Variants in LIMS1 observed in about 807,000 individuals in gnomAD.
The protein encoded by LIMS1 is LIM zinc finger domain containing 1, also known as LIM and senescent cell antigen-like-containing domain protein 1.
Under a neutral mutation model 44.1 loss-of-function variants are expected in LIMS1, and 18 were observed. That is an observed-to-expected ratio of 0.41 (90% CI 0.28 to 0.61). The LOEUF is 0.61. LIMS1 is among the 20% of genes least tolerant of loss of function. The probability of loss-of-function intolerance (pLI) is 0.32; values close to 1 mark genes in which losing one functional copy is unlikely to be tolerated. For synonymous variants in LIMS1, 93 were observed against 149.1 expected, an observed-to-expected ratio of 0.62 and a Z score of 2.74; for missense variants, 201 against 422.0, an observed-to-expected ratio of 0.48 and a Z score of 4.59.
intron 1 of LIMS1, among the ~76,000 whole-genome samples, chr2:108,560,107 G>A (rs1276020324): frequency 6.6e-6 from 1 of 152,156 alleles, no homozygotes; most frequent in Non-Finnish European, 1.5e-5. Context: ...CAGATGATGG[G>A]CCACAGGGTG....
At chr2:108,549,275 G>GTTT (rs1558782542) in intron 1 of LIMS1, among the ~76,000 whole-genome samples, 19 of 86,462 alleles carry the variant, frequency 2.2e-4, no homozygotes, top group Admixed American at 3.0e-4. Flanking sequence ...CAAGTAAAGT[G>GTTT]TTTCTTTTTT....
At chr2:108,534,265 C>T (rs1324543957), upstream of LIMS1, 118 of 167,662 alleles carry the variant, frequency 7.0e-4, 1 homozygote, top group African/African-American at 2.7e-3. Context: ...TGATGCGCGC[C>T]CCGCCCCGCA....
chr2:108,581,810 G>A (rs1685896384), intron 1 of LIMS1, among the ~76,000 whole-genome samples: 1 of 152,020 alleles, frequency 6.6e-6, no homozygotes, highest in South Asian at 2.1e-4. Context: ...GGTGGCGCAT[G>A]CCTGTAATCC....
chr2:108,569,723 G>T (rs1274421593), intron 1 of LIMS1, among the ~76,000 whole-genome samples: 1 of 143,782 alleles, frequency 7.0e-6, no homozygotes, highest in Non-Finnish European at 1.5e-5. Context: ...AGCCTGCCAA[G>T]TAGCTATTAT....
chr2:108,558,336 A>G (rs1013463070), intron 1 of LIMS1, among the ~76,000 whole-genome samples: 1 of 151,472 alleles, frequency 6.6e-6, no homozygotes, highest in Non-Finnish European at 1.5e-5. Flanking sequence ...TCCTGCCTCA[A>G]ACTCCCAAGT....
At chr2:108,574,854 A>C (rs544677295) in intron 1 of LIMS1, among the ~76,000 whole-genome samples, 17 of 152,206 alleles carry the variant, frequency 1.1e-4, no homozygotes, top group Non-Finnish European at 1.9e-4. Context: ...GAGATTGGTC[A>C]TGGTTTTATT....
chr2:108,645,834 A>C (rs1174521952), intron 1 of LIMS1, among the ~76,000 whole-genome samples: 1 of 151,476 alleles, frequency 6.6e-6, no homozygotes, highest in African/African-American at 2.4e-5. Context: ...AAAAAAAAAA[A>C]CCCAGGAGTT....
chr2:108,544,514 G>C lies in LIMS1; in HGVS notation c.32+9920G>C, dbSNP rs1368535876. Among the ~76,000 whole-genome samples, 8 of 152,058 alleles carry C rather than the reference G, an allele frequency of 5.3e-5. No individual in the cohort carries two copies. The East Asian group carries it at 1.2e-3, about 22-fold the overall frequency. On this transcript the variant is annotated intron_variant, in intron 1 of 9. Coordinates refer to ENST00000544547, the Ensembl canonical transcript of LIMS1. ...ATTATTATTTTATTTATTTATTTTTGAGGCGATGTTTTTGCTCTGTTGTCC... is the reference window on the plus strand; with the variant it reads ...ATTATTATTTTATTTATTTATTTTTCAGGCGATGTTTTTGCTCTGTTGTCC...
At chr2:108,603,567 T>C (rs1468532524) in intron 1 of LIMS1, among the ~76,000 whole-genome samples, 1 of 142,496 alleles carries the variant, frequency 7.0e-6, no homozygotes, top group Non-Finnish European at 1.5e-5. Flanking sequence ...TTATCTTGGC[T>C]CACTACAACC....
Position 108,672,413 on chromosome 2 carries a change from G to A in LIMS1, c.348G>A (p.Leu116=), listed in dbSNP as rs1558840323. ...GCTGTGACCTCTGCCAGGAAGTTCT[G>A]GCAGATATCGGGTTTGTCAAGAATG... The change falls in exon 4 of 10, where the codon CTG becomes CTA. Residue 116 remains leucine, a synonymous_variant. Transcript: ENST00000544547. 4 of 1,037,786 alleles carry A rather than the reference G, an allele frequency of 3.9e-6. 1 individual carries two copies. Among genetic ancestry groups the A allele is most frequent in the East Asian group, 3.2e-5 (1 of 31,526 alleles). The allele number at this position is 1,037,786 out of a possible 1,614,324, so 64.3% of individuals were successfully genotyped here.
At chr2:108,544,546 G>A (rs1270524173) in intron 1 of LIMS1, among the ~76,000 whole-genome samples, 1 of 152,040 alleles carries the variant, frequency 6.6e-6, no homozygotes, top group Non-Finnish European at 1.5e-5. Flanking sequence ...GTCCAGGCTG[G>A]AGTACACTGG....
chr2:108,552,297 T>G (rs940329078), intron 1 of LIMS1, among the ~76,000 whole-genome samples: 1 of 134,624 alleles, frequency 7.4e-6, no homozygotes, highest in African/African-American at 2.6e-5. Flanking sequence ...ATATATACTA[T>G]ACGTGTAGTA....
intron 1 of LIMS1, among the ~76,000 whole-genome samples, chr2:108,633,483 A>G (rs1051559371): frequency 6.6e-6 from 1 of 152,146 alleles, no homozygotes; most frequent in Non-Finnish European, 1.5e-5. Flanking sequence ...ACCACTCTCA[A>G]TTTCACCATT....
intron 1 of LIMS1, among the ~76,000 whole-genome samples, chr2:108,562,033 T>C (rs1466090699): frequency 2.0e-5 from 3 of 152,112 alleles, no homozygotes; most frequent in Admixed American, 6.6e-5. Context: ...TGAGCCACCA[T>C]GCCCGGCCAG....
intron 1 of LIMS1, among the ~76,000 whole-genome samples, chr2:108,617,104 T>C (rs983829817): frequency 1.3e-5 from 2 of 152,232 alleles, no homozygotes; most frequent in Non-Finnish European, 2.9e-5. Flanking sequence ...CATTAGTACC[T>C]AGTGTACTGG....
intron 2 of LIMS1, 57 bp downstream of exon 2, chr2:108,659,821 C>T: frequency 2.5e-6 from 4 of 1,612,046 alleles, no homozygotes; most frequent in African/African-American, 2.7e-5. Context: ...CCGCTTCCTG[C>T]CCTTCTTTCC....
At chr2:108,570,185 C>T (rs969715762) in intron 1 of LIMS1, among the ~76,000 whole-genome samples, 3 of 152,088 alleles carry the variant, frequency 2.0e-5, no homozygotes, top group Admixed American at 1.3e-4. Flanking sequence ...AATCCCAGCA[C>T]TTTGGGAGGC....
At chr2:108,562,997 A>G (rs1685175822) in intron 1 of LIMS1, among the ~76,000 whole-genome samples, 1 of 152,224 alleles carries the variant, frequency 6.6e-6, no homozygotes, top group Non-Finnish European at 1.5e-5. Flanking sequence ...ATTATGCTAA[A>G]TCTACTCTGC....
chr2:108,642,358 GTTTTTTGT>G (rs1689746712), intron 1 of LIMS1, among the ~76,000 whole-genome samples: 31 of 18,470 alleles, frequency 1.7e-3, no homozygotes, highest in African/African-American at 2.9e-3. Flanking sequence ...TTTTTTTTTT[GTTTTTTGT>G]TTTTTTTTTT....
Sources: gnomAD v4.1 joint callset for allele counts (sites outside exome capture counted in the v4.1 genomes callset) on GRCh38, gnomAD v4.1.1 for gene constraint, MANE v1.5 for transcripts, NCBI Gene and HGNC (gene_info 2026-07-23, HGNC 2026-07-21) for gene names.